The following CHRM3 variants were observed in gnomAD, a reference collection of about 807,000 sequenced individuals.
CHRM3 encodes the protein muscarinic acetylcholine receptor M3.
CHRM3 carries 11 observed loss-of-function variants against 41.8 expected under a neutral mutation model. That is an observed-to-expected ratio of 0.26 (90% CI 0.17 to 0.44). The LOEUF is 0.44. Ranked by LOEUF, CHRM3 falls within the 20% of genes least tolerant of loss-of-function variation. The probability of loss-of-function intolerance (pLI) is 1.00; values close to 1 mark genes in which losing one functional copy is unlikely to be tolerated. For missense variants in CHRM3, 571 were observed against 745.4 expected, an observed-to-expected ratio of 0.77 and a Z score of 2.72; for synonymous variants, 297 against 301.4, an observed-to-expected ratio of 0.99 and a Z score of 0.15.
intron 5 of CHRM3, chr1:239,704,591 T>C (rs941052016): frequency 1.4e-4 from 22 of 152,274 alleles, no homozygotes; most frequent in African/African-American, 5.1e-4. Context: ...AAAATAAATA[T>C]TAAACCTCTT....
intron 1 of CHRM3, among the ~76,000 whole-genome samples, chr1:239,416,208 C>A (rs1472469444): frequency 1.3e-5 from 2 of 152,124 alleles, no homozygotes; most frequent in African/African-American, 4.8e-5. Flanking sequence ...GTTTTTTGGA[C>A]TACTTTTTAT....
chr1:239,455,759 TA>T (rs1260328503), intron 1 of CHRM3, among the ~76,000 whole-genome samples: 1 of 152,168 alleles, frequency 6.6e-6, no homozygotes, highest in Non-Finnish European at 1.5e-5. Flanking sequence ...TACAATAAGC[TA>T]AGGTTAATTT....
At chr1:239,821,478 T>C (rs1672041667) in intron 5 of CHRM3, among the ~76,000 whole-genome samples, 1 of 152,174 alleles carries the variant, frequency 6.6e-6, no homozygotes, top group Non-Finnish European at 1.5e-5. Flanking sequence ...TTCTCTGATG[T>C]ACATTCTGAT....
At chr1:239,713,771 TG>T (rs1208416578) in intron 5 of CHRM3, among the ~76,000 whole-genome samples, 1 of 152,224 alleles carries the variant, frequency 6.6e-6, no homozygotes, top group East Asian at 1.9e-4. Flanking sequence ...GGCACAATTA[TG>T]ATTACTCTCT....
In CHRM3 at chr1:239,639,500, T is replaced by C. The variant is rs151333524; in HGVS notation, c.-250+7214T>C. ...TTCACATCCCTAGTAAGTTGGATTC[T>C]TGGTATTTTATTGTCTTTGAATCAA... On this transcript the variant is annotated intron_variant, in intron 4 of 6. Transcript: ENST00000676153. Among the ~76,000 whole-genome samples, 806 of 152,314 alleles carry C rather than the reference T, an allele frequency of 5.3e-3. 6 individuals are homozygous for C. The highest frequency in any genetic ancestry group is 0.018 in the African/African-American group (756 of 41,576).
At chr1:239,812,959 G>C (rs779642417) in intron 5 of CHRM3, among the ~76,000 whole-genome samples, 12 of 152,144 alleles carry the variant, frequency 7.9e-5, no homozygotes, top group Non-Finnish European at 1.2e-4. Flanking sequence ...CTTGCAGAAA[G>C]CTGGTTCCAT....
At chr1:239,624,612 C>G (rs1668828414) in intron 3 of CHRM3, among the ~76,000 whole-genome samples, 1 of 151,564 alleles carries the variant, frequency 6.6e-6, no homozygotes, top group Non-Finnish European at 1.5e-5. Context: ...AGGTTTTCTT[C>G]TAGGGTATTT....
chr1:239,441,647 T>C (rs560443077), intron 1 of CHRM3, among the ~76,000 whole-genome samples: 50 of 152,328 alleles, frequency 3.3e-4, no homozygotes, highest in African/African-American at 1.2e-3. Context: ...ACAATGTAAA[T>C]GTTAACTCAT....
At chr1:239,441,079 C>T (rs1663679456) in intron 1 of CHRM3, among the ~76,000 whole-genome samples, 1 of 152,110 alleles carries the variant, frequency 6.6e-6, no homozygotes, top group Non-Finnish European at 1.5e-5. Context: ...AAAATGGAGT[C>T]TCCTCATAGT....
intron 3 of CHRM3, among the ~76,000 whole-genome samples, chr1:239,631,178 G>T (rs1327807541): frequency 6.6e-6 from 1 of 152,178 alleles, no homozygotes; most frequent in African/African-American, 2.4e-5. Context: ...ACTTTTAAAA[G>T]ATATATAAAA....
chr1:239,627,837 C>G (rs923310678), intron 3 of CHRM3, among the ~76,000 whole-genome samples: 1 of 150,886 alleles, frequency 6.6e-6, no homozygotes, highest in Admixed American at 6.6e-5. Flanking sequence ...GGCCCCCACT[C>G]TCTTCTGGCT....
chr1:239,676,343 C>A (rs1426782486), intron 4 of CHRM3, among the ~76,000 whole-genome samples: 1 of 145,892 alleles, frequency 6.9e-6, no homozygotes, highest in East Asian at 2.0e-4. Flanking sequence ...GCCTGCCATG[C>A]CTGCCATGTG....
chr1:239,515,153 G>A lies in CHRM3; in HGVS notation c.-422+22346G>A, dbSNP rs150083353. 2.8e-3 allele frequency among the ~76,000 whole-genome samples: 417 copies of A among 151,436 alleles called. 2 individuals carry two copies. The highest frequency in any genetic ancestry group is 0.017 in the Middle Eastern group (5 of 292). ...ATCATATTTTTAATATTTAACATGTGGCCTGTTTGGTTAGTATATATATTT... is the reference window on the plus strand; with the variant it reads ...ATCATATTTTTAATATTTAACATGTAGCCTGTTTGGTTAGTATATATATTT... On this transcript the variant is annotated intron_variant, in intron 2 of 6. Coordinates refer to ENST00000676153, the MANE Select transcript of CHRM3 (RefSeq NM_001375978.1).
chr1:239,510,071 A>G (rs1668821798), intron 2 of CHRM3, among the ~76,000 whole-genome samples: 1 of 152,202 alleles, frequency 6.6e-6, no homozygotes, highest in Non-Finnish European at 1.5e-5. Context: ...CCTGGGCAGC[A>G]TAAGACTCCG....
Position 239,909,421 on chromosome 1 carries a change from G to GAAAAAA in CHRM3, c.*202_*207dup. The GAAAAAA allele has an allele frequency of 2.3e-6, 1 of 427,712 alleles. No homozygotes were observed. Among genetic ancestry groups the GAAAAAA allele is most frequent in the Non-Finnish European group, 4.2e-6 (1 of 235,920 alleles). The allele number at this position is 427,712 out of a possible 1,614,324, so 26.5% of individuals were successfully genotyped here. On this transcript the variant is annotated 3_prime_UTR_variant, in exon 7 of 7. Coordinates refer to ENST00000676153, the MANE Select transcript of CHRM3 (RefSeq NM_001375978.1). ...AAAGTCAATACCAATTCAGCAAAAAGAAAAAAAAAACATACTACTGAATAT... is the reference window on the plus strand; with the variant it reads ...AAAGTCAATACCAATTCAGCAAAAAGAAAAAAAAAAAAAAAACATACTACTGAATAT...
intron 5 of CHRM3, among the ~76,000 whole-genome samples, chr1:239,687,246 C>T (rs1433522362): frequency 6.6e-6 from 1 of 151,994 alleles, no homozygotes; most frequent in Non-Finnish European, 1.5e-5. Context: ...TTTGATTTAT[C>T]ACTTTAGTTT....
intron 3 of CHRM3, among the ~76,000 whole-genome samples, chr1:239,555,506 G>A (rs111758656): frequency 6.6e-5 from 10 of 152,248 alleles, no homozygotes; most frequent in African/African-American, 2.4e-4. Context: ...AACAGGAATG[G>A]GGCAGAAGCA....
chr1:239,758,420 C>A (rs985714370), intron 5 of CHRM3, among the ~76,000 whole-genome samples: 1 of 152,086 alleles, frequency 6.6e-6, no homozygotes, highest in Non-Finnish European at 1.5e-5. Flanking sequence ...CCCACCCCAA[C>A]AAACAAGGTG....
At chr1:239,744,537 C>T (rs573792063) in intron 5 of CHRM3, among the ~76,000 whole-genome samples, 32 of 152,170 alleles carry the variant, frequency 2.1e-4, no homozygotes, top group Non-Finnish European at 1.5e-5. Flanking sequence ...TGCACATGCC[C>T]TGAGACAGGC....
Sources: gnomAD v4.1 joint callset for allele counts (sites outside exome capture counted in the v4.1 genomes callset) on GRCh38, gnomAD v4.1.1 for gene constraint, MANE v1.5 for transcripts, NCBI Gene and HGNC (gene_info 2026-07-23, HGNC 2026-07-21) for gene names.